The following SLC36A1 variants were observed in gnomAD, a reference collection of about 807,000 sequenced individuals.
The protein encoded by SLC36A1 is proton-coupled amino acid transporter 1.
In SLC36A1, 30 loss-of-function variants were observed where a neutral mutation model predicts 47.5. That is an observed-to-expected ratio of 0.63 (90% CI 0.47 to 0.86). SLC36A1 has a LOEUF of 0.86. Among genes scored for constraint, SLC36A1 ranks in the 40% least tolerant of loss-of-function variants. SLC36A1 has a pLI of 0.00. For missense variants in SLC36A1, 517 were observed against 606.0 expected (o/e 0.85, Z 1.54); for synonymous variants, 255 against 249.7 (o/e 1.02, Z -0.20).
chr5:151,482,431 A>G (rs376955679), intron 10 of SLC36A1, among the ~76,000 whole-genome samples: 3 of 152,210 alleles, frequency 2.0e-5, no homozygotes, highest in African/African-American at 4.8e-5. Flanking sequence ...CTACACAAAT[A>G]TTACTCTAAA....
At chr5:151,407,236 G>A in the SLC36A1 span, among the ~76,000 whole-genome samples, 21 of 152,244 alleles carry the variant, frequency 1.4e-4, no homozygotes, top group Admixed American at 3.9e-4. Flanking sequence ...GCTGGCTCTA[G>A]TGGCCAGCTT....
At chr5:151,554,871 A>G in the SLC36A1 span, among the ~76,000 whole-genome samples, 3 of 152,258 alleles carry the variant, frequency 2.0e-5, no homozygotes, top group Non-Finnish European at 4.4e-5. Flanking sequence ...GAAAGGAAGC[A>G]GAAAGAACTG....
chr5:151,522,719 GGAT>G, the SLC36A1 span, among the ~76,000 whole-genome samples: 4 of 152,158 alleles, frequency 2.6e-5, no homozygotes, highest in African/African-American at 4.8e-5. Flanking sequence ...GAGTCCTGAG[GGAT>G]GAGAAGAAGA....
At chr5:151,455,552 A>G (rs1754372142) in intron 1 of SLC36A1, among the ~76,000 whole-genome samples, 1 of 152,134 alleles carries the variant, frequency 6.6e-6, no homozygotes, top group Admixed American at 6.5e-5. Context: ...TACCAAGTAG[A>G]CAACAGAGAG....
At chr5:151,418,616 T>C in the SLC36A1 span, among the ~76,000 whole-genome samples, 3 of 152,226 alleles carry the variant, frequency 2.0e-5, no homozygotes, top group East Asian at 1.9e-4. Context: ...ATTTACCCAA[T>C]GTCTGTACCA....
At chr5:151,473,592 C>G (rs1757622092) in intron 7 of SLC36A1, 81 bp from the exon 8 acceptor site, 3 of 878,912 alleles carry the variant, frequency 3.4e-6, no homozygotes, top group Non-Finnish European at 5.6e-6. Flanking sequence ...AAGGTATGAC[C>G]TCTCCGATTC....
the SLC36A1 span, among the ~76,000 whole-genome samples, chr5:151,532,264 C>A: frequency 6.6e-6 from 1 of 152,174 alleles, no homozygotes; most frequent in Admixed American, 6.5e-5. Context: ...GAAAAATATG[C>A]AGATAAAACC....
At chr5:151,459,072 C>A in intron 2 of SLC36A1, 137 bp downstream of exon 2, 1 of 972,210 alleles carries the variant, frequency 1.0e-6, no homozygotes, top group Non-Finnish European at 1.5e-6. Context: ...GGGCGAGTGA[C>A]TGCGCTGAGA....
At chr5:151,466,012 G>C (rs968530951) in intron 5 of SLC36A1, among the ~76,000 whole-genome samples, 4 of 151,352 alleles carry the variant, frequency 2.6e-5, no homozygotes, top group African/African-American at 7.3e-5. Context: ...TGTCATAGAG[G>C]AAACTTACTT....
the SLC36A1 span, chr5:151,550,829 G>A: frequency 1.2e-6 from 2 of 1,613,700 alleles, no homozygotes; most frequent in Non-Finnish European, 8.5e-7. Flanking sequence ...TCCAGAAACT[G>A]GGGCCGATGG....
At chr5:151,376,584 C>CT in the SLC36A1 span, among the ~76,000 whole-genome samples, 11 of 152,092 alleles carry the variant, frequency 7.2e-5, 1 homozygote, top group South Asian at 2.3e-3. Context: ...CTTAGCACTA[C>CT]TTTTTTTATA....
the SLC36A1 span, among the ~76,000 whole-genome samples, chr5:151,536,291 G>A: frequency 5.3e-5 from 8 of 152,178 alleles, no homozygotes; most frequent in African/African-American, 1.9e-4. Context: ...GCAGAGAGAG[G>A]TTAAATAACC....
At chr5:151,404,089 G>C in the SLC36A1 span, among the ~76,000 whole-genome samples, 3 of 152,162 alleles carry the variant, frequency 2.0e-5, no homozygotes, top group Admixed American at 6.5e-5. Context: ...TATGAATCCA[G>C]GTGCTCCAAT....
chr5:151,403,373 T>C, the SLC36A1 span, among the ~76,000 whole-genome samples: 1 of 152,304 alleles, frequency 6.6e-6, no homozygotes. Flanking sequence ...AGAGTGAATT[T>C]CTCATGAATG....
At chr5:151,392,021 C>T in the SLC36A1 span, among the ~76,000 whole-genome samples, 1 of 152,148 alleles carries the variant, frequency 6.6e-6, no homozygotes, top group Non-Finnish European at 1.5e-5. Context: ...AGCTGTGAAT[C>T]GGTCTGGTCC....
Position 151,492,152 on chromosome 5 carries a change from TA to T in SLC36A1, c.*3899del, listed in dbSNP as rs1176066190. On this transcript the variant is annotated 3_prime_UTR_variant, in exon 11 of 11. Transcript: ENST00000243389. Reference sequence around the variant, plus strand: ...CAGTGGATAATAAAATTGGTAACTCTATTGTAAAACATGTCAATGGTGTGTG... The same window carrying T: ...CAGTGGATAATAAAATTGGTAACTCTTTGTAAAACATGTCAATGGTGTGTG... The T allele has an allele frequency of 1.3e-5, 2 of 152,212 alleles. No homozygotes were observed. The highest frequency in any genetic ancestry group is 2.9e-5 in the Non-Finnish European group (2 of 68,042). 9.4% of individuals were successfully genotyped at this position (152,212 alleles called of 1,614,324 possible). A position where few individuals can be genotyped will look rare whatever the true frequency, so the allele number is the denominator to read the frequency against.
At chr5:151,487,288 G>A (rs1581229272) in intron 10 of SLC36A1, among the ~76,000 whole-genome samples, 1 of 152,220 alleles carries the variant, frequency 6.6e-6, no homozygotes, top group Admixed American at 6.5e-5. Context: ...GTATGGCACG[G>A]AAGCCGATGG....
At chr5:151,534,660 A>G in the SLC36A1 span, 2 of 1,594,426 alleles carry the variant, frequency 1.3e-6, no homozygotes, top group Non-Finnish European at 1.7e-6. Context: ...GAGAAATGAC[A>G]AAAGTTGAGC....
the SLC36A1 span, chr5:151,366,554 T>A: frequency 4.1e-6 from 1 of 244,910 alleles, no homozygotes; most frequent in South Asian, 5.1e-5. Flanking sequence ...TAGTAGGTAG[T>A]CATCTCCAGG....
Sources: allele counts gnomAD v4.1 joint callset (sites outside exome capture counted in the v4.1 genomes callset), GRCh38; gene constraint gnomAD v4.1.1; transcripts MANE v1.5; gene names NCBI Gene and HGNC (gene_info 2026-07-23, HGNC 2026-07-21).